SDHA: variants seen among roughly 807,000 people sequenced by gnomAD.
The protein encoded by SDHA is succinate dehydrogenase complex flavoprotein subunit A.
A neutral mutation model predicts 78.4 loss-of-function variants in SDHA; 48 were observed. The ratio of observed to expected loss-of-function variants is 0.61; its 90% CI spans 0.49 to 0.78. The LOEUF (loss-of-function observed/expected upper bound fraction) is 0.78. Ranked by LOEUF, SDHA falls within the 30% of genes least tolerant of loss-of-function variation. The pLI, the probability that SDHA is intolerant of heterozygous loss-of-function variation, is 0.00. For synonymous variants in SDHA, 326 were observed against 353.9 expected (o/e 0.92, Z 0.88); for missense variants, 680 against 892.7 (o/e 0.76, Z 3.04).
rs1037989414 is a variant in SDHA at position 221,060 on chromosome 5, G to A, written c.64-2422G>A. 3.9e-5 allele frequency among the ~76,000 whole-genome samples: 6 copies of A among 152,108 alleles called. No individual in the cohort carries two copies. In the South Asian group the frequency reaches 1.0e-3, roughly 26 times the overall value. The stretch of plus-strand genomic sequence containing the variant: ...CATCTCCTGACCTCGTGATCCGCCC[G>A]CCTCGGTCTCCCAAAGGGCTGGGAT... On this transcript the variant is annotated intron_variant, in intron 1 of 14. Transcript: ENST00000264932.
At position 230,966 on chromosome 5, in the gene SDHA, C is replaced by G. The variant is rs140797184; in HGVS notation, c.861C>G (p.Cys287Trp). The G allele has an allele frequency of 6.2e-7, 1 of 1,613,880 alleles. No homozygotes were observed. The highest frequency in any genetic ancestry group is 8.5e-7 in the Non-Finnish European group (1 of 1,179,874). ...TAMITRAGLP[C>W]QDLEFVQFHP... ...TGATCACCAGGGCAGGCCTTCCTTG[C>G]CAGGACCTAGAGTTTGTTCAGTTCC... Residue 287 changes from cysteine to tryptophan, a missense_variant, in exon 7 of 15, where the codon TGC (cysteine) becomes TGG (tryptophan). By Grantham distance (215) the Cys-to-Trp change is radical (BLOSUM62 -2). Transcript: ENST00000264932.
chr5:219,035 C>A (rs1376853939), intron 1 of SDHA, among the ~76,000 whole-genome samples: 1 of 152,260 alleles, frequency 6.6e-6, no homozygotes, highest in Non-Finnish European at 1.5e-5. Context: ...ATGTCCACTT[C>A]GAGACCTTGT....
chr5:237,843 A>T (rs1312049758), intron 10 of SDHA, among the ~76,000 whole-genome samples: 1 of 137,138 alleles, frequency 7.3e-6, no homozygotes, highest in Admixed American at 7.0e-5. Context: ...TCTGGATCTG[A>T]CCACCGCTCG....
At chr5:226,504 T>C (rs946684693) in intron 5 of SDHA, among the ~76,000 whole-genome samples, 1 of 152,050 alleles carries the variant, frequency 6.6e-6, no homozygotes, top group African/African-American at 2.4e-5. Flanking sequence ...TGGTGGTACA[T>C]GCTTGTAATC....
chr5:233,723 G>T, intron 8 of SDHA, 78 bp downstream of exon 8: 3 of 1,435,178 alleles, frequency 2.1e-6, no homozygotes, highest in Non-Finnish European at 2.9e-6. Context: ...AGCACCGCTC[G>T]CCCTCACCTT....
chr5:224,115 C>T (rs1734869410), intron 2 of SDHA, among the ~76,000 whole-genome samples: 1 of 152,188 alleles, frequency 6.6e-6, no homozygotes, highest in South Asian at 2.1e-4. Flanking sequence ...GAGTTGTGGT[C>T]CTCAGTCTGA....
chr5:224,221 T>A, intron 2 of SDHA, 139 bp from the exon 3 acceptor site: 2 of 912,288 alleles, frequency 2.2e-6, no homozygotes, highest in Non-Finnish European at 3.7e-6. Context: ...TGTTCAGGGC[T>A]CAGCCCCAGG....
At chr5:228,750 A>G (rs1351680936) in intron 6 of SDHA, among the ~76,000 whole-genome samples, 1 of 152,234 alleles carries the variant, frequency 6.6e-6, no homozygotes, top group African/African-American at 2.4e-5. Flanking sequence ...AATTTTATAC[A>G]CTGTCAGTTA....
At chr5:264,526 A>AC in the SDHA span, among the ~76,000 whole-genome samples, 37,732 of 151,924 alleles carry the variant, frequency 0.25, 7,469 homozygotes, top group African/African-American at 0.55. Context: ...AATTCCGGGC[A>AC]CCCCGGCCTA....
intron 5 of SDHA, chr5:227,712 G>A (rs193089031): frequency 0.013 from 3,036 of 233,242 alleles, 101 homozygotes; most frequent in African/African-American, 0.067. Context: ...GCAACCGTCC[G>A]CTTTGGTAGC....
rs762128553 is a variant in SDHA, at chr5:256,360, C to G, written c.1935C>G (p.Ile645Met). The G allele has an allele frequency of 3.1e-6, 5 of 1,613,658 alleles. No individual in the cohort carries two copies. In the African/African-American group the frequency reaches 4.0e-5, roughly 13 times the overall value. ...TCACTCTGGAATATAGACCCGTGAT[C>G]GACAAAACTTTGAACGAGGCTGACT... ...GKVTLEYRPVIDKTLNEADCA... is the reference protein window; with the variant it reads ...GKVTLEYRPVMDKTLNEADCA... The change falls in exon 15 of 15, where the codon ATC becomes ATG. Residue 645 changes from isoleucine (I) to methionine (M), a missense_variant. Ile to Met is a conservative substitution (Grantham distance 10, BLOSUM62 1). Transcript: ENST00000264932.
chr5:258,558 T>G (rs1737359823), downstream of SDHA, among the ~76,000 whole-genome samples: 3 of 114,912 alleles, frequency 2.6e-5, no homozygotes, highest in South Asian at 8.5e-4. Context: ...CTCAGAGCCT[T>G]GCCGTGAGCT....
At chr5:223,066 G>C (rs1734806479) in intron 1 of SDHA, among the ~76,000 whole-genome samples, 2 of 152,196 alleles carry the variant, frequency 1.3e-5, no homozygotes, top group Non-Finnish European at 2.9e-5. Context: ...ATGTGGAAAG[G>C]GCTATGATGG....
intron 7 of SDHA, among the ~76,000 whole-genome samples, 186 bp from the exon 8 acceptor site, chr5:233,291 C>G (rs1354674780): frequency 1.3e-5 from 2 of 152,182 alleles, no homozygotes; most frequent in Non-Finnish European, 2.9e-5. Flanking sequence ...AGCTGTCAGC[C>G]TTGTCAGTGC....
the SDHA span, among the ~76,000 whole-genome samples, chr5:263,695 G>A: frequency 2.0e-5 from 3 of 152,248 alleles, no homozygotes; most frequent in East Asian, 5.8e-4. Context: ...ATTGGTAAAT[G>A]TGCAGGTTTG....
In SDHA at chr5:224,400, C is replaced by T. The variant is rs760510019; in HGVS notation, c.191C>T (p.Ala64Val). The stretch of plus-strand genomic sequence containing the variant: ...CCAGTAGTGGATCATGAATTTGATG[C>T]AGTGGTGGTAGGCGCTGGAGGGGCA... ...QYPVVDHEFD[A>V]VVVGAGGAGL... Residue 64 changes from alanine (A) to valine (V), a missense_variant, in exon 3 of 15, where the codon GCA becomes GTA. Ala to Val is a moderately conservative substitution (Grantham distance 64). Coordinates refer to ENST00000264932, the MANE Select transcript of SDHA (RefSeq NM_004168.4). The T allele has an allele frequency of 1.2e-6, 2 of 1,613,512 alleles. No homozygotes were observed. Among genetic ancestry groups the T allele is most frequent in the Admixed American group, 1.7e-5 (1 of 59,990 alleles).
In SDHA at chr5:225,311, G is replaced by A. The variant is rs1053854623; in HGVS notation, c.313-108G>A. ...AGGTCAGCCCTCACTGGGAGTCACT[G>A]TGTGAGTAGTTGGCTTTCTCTGAAT... On this transcript the variant is annotated intron_variant, in intron 3 of 14. Coordinates refer to ENST00000264932, the MANE Select transcript of SDHA (RefSeq NM_004168.4). 1.3e-5 allele frequency: 18 copies of A among 1,424,984 alleles called. No homozygotes were observed. The African/African-American group carries it at 1.7e-4, about 13-fold the overall frequency. The allele number at this position is 1,424,984 out of a possible 1,614,324, so 88.3% of individuals were successfully genotyped here.
intron 6 of SDHA, among the ~76,000 whole-genome samples, chr5:230,301 T>C (rs1735312638): frequency 6.6e-6 from 1 of 152,318 alleles, no homozygotes; most frequent in Admixed American, 6.5e-5. Context: ...ATATGCTTAT[T>C]GGGGAAACCT....
intron 7 of SDHA, among the ~76,000 whole-genome samples, chr5:232,827 T>C (rs1332172654): frequency 6.6e-6 from 1 of 152,238 alleles, no homozygotes; most frequent in African/African-American, 2.4e-5. Flanking sequence ...CTCATCGCAC[T>C]GAGGAGTCAC....
Sources: allele counts gnomAD v4.1 joint callset (sites outside exome capture counted in the v4.1 genomes callset), GRCh38; gene constraint gnomAD v4.1.1; transcripts MANE v1.5; gene names NCBI Gene and HGNC (gene_info 2026-07-23, HGNC 2026-07-21).